COL11A1: variants seen among roughly 807,000 people sequenced by gnomAD.
COL11A1 encodes collagen alpha-1(XI) chain.
COL11A1 carries 74 observed loss-of-function variants against 265.2 expected under a neutral mutation model. That is an observed-to-expected ratio of 0.28 (90% confidence interval 0.23 to 0.34). COL11A1 has a LOEUF of 0.34. Among genes scored for constraint, COL11A1 ranks in the 10% least tolerant of loss-of-function variants. The pLI is 1.00. For synonymous variants in COL11A1, 816 were observed against 727.6 expected, an observed-to-expected ratio of 1.12 and a Z score of -1.96; for missense variants, 2,165 against 2,263.6, an observed-to-expected ratio of 0.96 and a Z score of 0.88.
rs748179954 is a variant in COL11A1, at chr1:102,978,937, A to G, written c.2656-24T>C. 7 of 1,614,090 alleles carry G rather than the reference A, an allele frequency of 4.3e-6. No homozygotes were observed. The East Asian group carries it at 1.6e-4, about 36-fold the overall frequency. On this transcript the variant is annotated intron_variant, in intron 33 of 66. Coordinates refer to ENST00000370096, the MANE Select transcript of COL11A1 (RefSeq NM_001854.4). ...CCCTGCAGATGAGAACAAAAGATGA[A>G]CCCAAACTAATGCCAGACAAATCCA...
At chr1:102,951,443 A>G (rs945139795) in intron 41 of COL11A1, among the ~76,000 whole-genome samples, 2 of 152,250 alleles carry the variant, frequency 1.3e-5, no homozygotes, top group Middle Eastern at 3.2e-3. Flanking sequence ...CACACCTGTA[A>G]TCCCAGCACT....
intron 1 of COL11A1, among the ~76,000 whole-genome samples, chr1:103,103,011 C>T (rs1674405610): frequency 6.6e-6 from 1 of 151,954 alleles, no homozygotes; most frequent in African/African-American, 2.4e-5. Flanking sequence ...TGGTAGCCTA[C>T]TAAGAGTGAC....
In COL11A1 at chr1:103,095,503, C is replaced by T. The variant is rs968953748; in HGVS notation, c.107-12531G>A. On this transcript the variant is annotated intron_variant, in intron 1 of 66. Coordinates refer to ENST00000370096, the MANE Select transcript of COL11A1 (RefSeq NM_001854.4). Reference sequence around the variant, plus strand: ...GAAAGTCATAGGAAGTTCCTCTATCCTGCTATTCTTGCAGAACAGAATTCT... The same window carrying T: ...GAAAGTCATAGGAAGTTCCTCTATCTTGCTATTCTTGCAGAACAGAATTCT... Among the ~76,000 whole-genome samples the T allele has an allele frequency of 2.6e-5, 4 of 151,984 alleles. No individual in the cohort carries two copies. The East Asian group carries it at 5.8e-4, about 22-fold the overall frequency.
chr1:102,889,343 T>G, intron 59 of COL11A1, 112 bp downstream of exon 59: 1 of 816,508 alleles, frequency 1.2e-6, no homozygotes. Context: ...AAATTAGAAT[T>G]AAGACACTCT....
At chr1:103,059,131 G>T (rs552399139) in intron 4 of COL11A1, among the ~76,000 whole-genome samples, 1 of 152,246 alleles carries the variant, frequency 6.6e-6, no homozygotes, top group South Asian at 2.1e-4. Context: ...AGAAAAGCAT[G>T]ATATAACAAT....
At chr1:103,046,938 G>C (rs1299154502) in intron 4 of COL11A1, among the ~76,000 whole-genome samples, 1 of 152,108 alleles carries the variant, frequency 6.6e-6, no homozygotes, top group Non-Finnish European at 1.5e-5. Context: ...TTATTTCTGA[G>C]GGCTCTGTTC....
Position 102,977,378 on chromosome 1 carries a change from C to CAACAA in COL11A1, c.2754+1325_2754+1329dup, listed in dbSNP as rs1167239675. ...AATGAATCCACCTAGATTACTAAAACAACAAAACAAAACAAAAATTCCCAA... is the reference window on the plus strand; with the variant it reads ...AATGAATCCACCTAGATTACTAAAACAACAAAACAAAACAAAACAAAAATTCCCAA... On this transcript the variant is annotated intron_variant, in intron 35 of 66. Transcript: ENST00000370096. 3.9e-5 allele frequency among the ~76,000 whole-genome samples: 6 copies of CAACAA among 152,030 alleles called. No individual in the cohort carries two copies. The South Asian group carries it at 1.2e-3, about 32-fold the overall frequency.
intron 54 of COL11A1, among the ~76,000 whole-genome samples, chr1:102,910,403 T>C (rs538940226): frequency 1.3e-5 from 2 of 152,208 alleles, no homozygotes; most frequent in East Asian, 3.9e-4. Context: ...TATTTTAAAA[T>C]GAAACTAGAC....
intron 4 of COL11A1, among the ~76,000 whole-genome samples, chr1:103,048,022 T>C (rs1571147441): frequency 6.6e-6 from 1 of 152,320 alleles, no homozygotes. Context: ...TTATTGAGGA[T>C]TTTTGCATCA....
intron 63 of COL11A1, among the ~76,000 whole-genome samples, chr1:102,884,115 A>G (rs2101030635): frequency 6.6e-6 from 1 of 152,276 alleles, no homozygotes; most frequent in Admixed American, 6.5e-5. Context: ...GACTCAGAAA[A>G]TGATACCCCA....
intron 42 of COL11A1, among the ~76,000 whole-genome samples, chr1:102,941,809 T>A (rs572269626): frequency 1.3e-5 from 2 of 152,334 alleles, no homozygotes; most frequent in South Asian, 4.1e-4. Flanking sequence ...ATGTATTTAG[T>A]GATTCTTTGC....
chr1:103,022,667 C>T (rs1667189792), intron 8 of COL11A1, 75 bp downstream of exon 8: 10 of 1,577,286 alleles, frequency 6.3e-6, no homozygotes, highest in Non-Finnish European at 8.7e-6. Context: ...CCTGAAAAGA[C>T]ATTAAGATGG....
intron 28 of COL11A1, among the ~76,000 whole-genome samples, chr1:102,990,768 C>T (rs544476062): frequency 2.0e-5 from 3 of 152,218 alleles, no homozygotes; most frequent in East Asian, 3.9e-4. Flanking sequence ...CACAGTGGCT[C>T]ATGCCTGTAA....
chr1:102,898,376 C>CTATATATACATATACATAGGT (rs1553196294), intron 56 of COL11A1, among the ~76,000 whole-genome samples, 198 bp from the exon 57 acceptor site: 1 of 151,436 alleles, frequency 6.6e-6, no homozygotes, highest in African/African-American at 2.4e-5. Context: ...AAATACACAC[C>CTATATATACATATACATAGGT]TATATATACA....
chr1:103,099,716 T>C (rs570239980), intron 1 of COL11A1, among the ~76,000 whole-genome samples: 3 of 151,986 alleles, frequency 2.0e-5, no homozygotes, highest in African/African-American at 7.2e-5. Flanking sequence ...CTTAAGGTAT[T>C]AACAAAACAA....
intron 46 of COL11A1, 149 bp from the exon 47 acceptor site, chr1:102,923,538 A>G (rs1039061519): frequency 3.1e-6 from 2 of 653,398 alleles, no homozygotes; most frequent in Non-Finnish European, 5.4e-6. Context: ...AATACCTACT[A>G]TGCAAATGTT....
intron 54 of COL11A1, among the ~76,000 whole-genome samples, chr1:102,904,662 A>G (rs1249478320): frequency 2.1e-4 from 32 of 150,440 alleles, no homozygotes; most frequent in African/African-American, 8.0e-4. Context: ...ATGCAAATCA[A>G]AACCACAATG....
chr1:102,935,526 G>C (rs1024100198), intron 44 of COL11A1, among the ~76,000 whole-genome samples: 2 of 152,090 alleles, frequency 1.3e-5, no homozygotes, highest in African/African-American at 2.4e-5. Flanking sequence ...GAATTCTGAG[G>C]GTTCTATACA....
chr1:103,019,196 G>A (rs1238739149), intron 9 of COL11A1, among the ~76,000 whole-genome samples: 1 of 152,062 alleles, frequency 6.6e-6, no homozygotes, highest in Non-Finnish European at 1.5e-5. Context: ...TCGTTTGTTT[G>A]TAGCCCACAG....
Sources: gnomAD v4.1 joint callset for allele counts (sites outside exome capture counted in the v4.1 genomes callset) on GRCh38, gnomAD v4.1.1 for gene constraint, MANE v1.5 for transcripts, NCBI Gene and HGNC (gene_info 2026-07-23, HGNC 2026-07-21) for gene names.